FBH1: variants seen among roughly 807,000 people sequenced by gnomAD.
FBH1 encodes the protein DNA 3'-5' helicase 1.
In FBH1, 43 loss-of-function variants were observed where a neutral mutation model predicts 115.5. The ratio of observed to expected loss-of-function variants is 0.37; its 90% CI spans 0.29 to 0.48. The LOEUF (loss-of-function observed/expected upper bound fraction) is 0.48. Among genes scored for constraint, FBH1 ranks in the 20% least tolerant of loss-of-function variants. The pLI, the probability that FBH1 is intolerant of heterozygous loss-of-function variation, is 0.99. For synonymous variants in FBH1, 524 were observed against 507.8 expected, an observed-to-expected ratio of 1.03 and a Z score of -0.43; for missense variants, 1,001 against 1,337.3, an observed-to-expected ratio of 0.75 and a Z score of 3.92.
In FBH1 at chr10:5,936,552, A is replaced by G. The variant is rs1451635330; in HGVS notation, c.2926A>G (p.Thr976Ala). The G allele has an allele frequency of 6.2e-7, 1 of 1,614,158 alleles. No individual in the cohort carries two copies. The highest frequency in any genetic ancestry group is 1.7e-5 in the Admixed American group (1 of 60,016). Residue 976 changes from threonine to alanine, a missense_variant, in exon 20 of 21, where the codon ACC becomes GCC. Thr to Ala is a moderately conservative substitution (Grantham distance 58, BLOSUM62 0). Coordinates refer to ENST00000362091, the MANE Select transcript of FBH1 (RefSeq NM_178150.3). The surrounding 1 kb of genome is among the most constrained non-coding windows in gnomAD (Gnocchi z 5.6). ...GQCNNAIPVD[T>A]VLTMKKLPIT... ...GTGCAACAATGCCATCCCTGTTGAC[A>G]CCGTCCTTACCATGAAGAAGCTGCC...
chr10:5,924,680 G>T lies in FBH1; in HGVS notation c.2596+172G>T. On this transcript the variant is annotated intron_variant, in intron 17 of 20. Transcript: ENST00000362091. The surrounding 1 kb of genome is among the most constrained non-coding windows in gnomAD (Gnocchi z 6.2). Reference sequence around the variant, plus strand: ...CCTTCTGGGTTCAAGCAATTATCCTGCCTCAGCCTCGTGAGTAGCTGGGAC... The same window carrying T: ...CCTTCTGGGTTCAAGCAATTATCCTTCCTCAGCCTCGTGAGTAGCTGGGAC... 3 of 693,026 alleles carry T rather than the reference G, an allele frequency of 4.3e-6. No homozygotes were observed. The highest frequency in any genetic ancestry group is 3.1e-5 in the South Asian group (2 of 65,098). The allele number at this position is 693,026 out of a possible 1,614,324, so 42.9% of individuals were successfully genotyped here.
In FBH1 at chr10:5,906,528, A is replaced by G. The variant is rs757042167; in HGVS notation, c.649A>G (p.Ser217Gly). The G allele has an allele frequency of 5.6e-6, 9 of 1,613,930 alleles. No homozygotes were observed. Among genetic ancestry groups the G allele is most frequent in the African/African-American group, 1.3e-5 (1 of 74,878 alleles). The change falls in exon 3 of 21, where the codon AGT becomes GGT. Residue 217 changes from serine (S) to glycine (G), a missense_variant. Coordinates refer to ENST00000362091, the MANE Select transcript of FBH1 (RefSeq NM_178150.3). The surrounding 1 kb of genome is among the most constrained non-coding windows in gnomAD (Gnocchi z 7.3). ...EALSHICSLP[S>G]EVLRHVFAFL... Reference sequence around the variant, plus strand: ...ACTGAGCCACATTTGCAGCCTGCCTAGTGAGGTCCTGAGGCACGTGTTTGC... The same window carrying G: ...ACTGAGCCACATTTGCAGCCTGCCTGGTGAGGTCCTGAGGCACGTGTTTGC...
At chr10:5,901,323 A>G (rs1471921520) in intron 1 of FBH1, among the ~76,000 whole-genome samples, 1 of 151,504 alleles carries the variant, frequency 6.6e-6, no homozygotes, top group Non-Finnish European at 1.5e-5. Flanking sequence ...TGCCCAGCTA[A>G]TTTTTTCTAT....
rs925414995 is a variant in FBH1, at chr10:5,917,239, T to C, written c.1789-181T>C. 1.8e-5 allele frequency: 11 copies of C among 607,082 alleles called. No homozygotes were observed. In the Admixed American group the frequency reaches 1.9e-4, roughly 10 times the overall value. The allele number at this position is 607,082 out of a possible 1,614,324, so 37.6% of individuals were successfully genotyped here. ...GCCCGGCTGCTTCCTGTCTCAGCAC[T>C]GGAGACCCTCTGGCGTGGAGAGGCT... is the stretch of plus-strand genomic sequence containing the variant. On this transcript the variant is annotated intron_variant, in intron 10 of 20. Coordinates refer to ENST00000362091, the MANE Select transcript of FBH1 (RefSeq NM_178150.3). This position sits in a 1 kb window ranked among gnomAD's most constrained non-coding sequence, Gnocchi z 5.6.
At chr10:5,896,870 C>T (rs1469771591) in intron 1 of FBH1, among the ~76,000 whole-genome samples, 1 of 152,034 alleles carries the variant, frequency 6.6e-6, no homozygotes, top group Non-Finnish European at 1.5e-5. Flanking sequence ...GAGAGGGAGG[C>T]ATACCATGAG....
At chr10:5,926,305 G>T (rs1395986348) in intron 18 of FBH1, among the ~76,000 whole-genome samples, 1 of 151,994 alleles carries the variant, frequency 6.6e-6, no homozygotes, top group Non-Finnish European at 1.5e-5. Context: ...GTAGAGACGG[G>T]GTTTCGCCAT....
chr10:5,925,941 G>GT lies in FBH1; in HGVS notation c.2722+450dup, dbSNP rs879444010. 4.0e-5 allele frequency among the ~76,000 whole-genome samples: 6 copies of GT among 151,760 alleles called. No individual in the cohort carries two copies. Among genetic ancestry groups the GT allele is most frequent in the South Asian group, 2.1e-4 (1 of 4,810 alleles). Reference sequence around the variant, plus strand: ...GTAAGCATTCTTTATCATTTGTCTGGTGTTTTTTGGTACAGACAGGGGTCT... The same window carrying GT: ...GTAAGCATTCTTTATCATTTGTCTGGTTGTTTTTTGGTACAGACAGGGGTCT... On this transcript the variant is annotated intron_variant, in intron 18 of 20. Transcript: ENST00000362091. The surrounding 1 kb of genome is among the most constrained non-coding windows in gnomAD (Gnocchi z 4.6).
At chr10:5,916,636 A>ATC (rs1445029045) in intron 10 of FBH1, among the ~76,000 whole-genome samples, 180 bp downstream of exon 10, 5 of 145,486 alleles carry the variant, frequency 3.4e-5, no homozygotes, top group African/African-American at 1.0e-4. Context: ...AGGATGGGGA[A>ATC]ATGGGAAGTG....
rs375218808 is a variant in FBH1, at chr10:5,910,281, CAA to C, written c.1021-645_1021-644del. Among the ~76,000 whole-genome samples, 97 of 134,710 alleles carry C rather than the reference CAA, an allele frequency of 7.2e-4. No homozygotes were observed. The highest frequency in any genetic ancestry group is 2.5e-3 in the African/African-American group (91 of 36,496). 88.4% of individuals were successfully genotyped at this position (134,710 alleles called of 152,430 possible). ...TGTGTGACAGAGTCAGACTTTGTCT[CAA>C]AAAAAAAAAAAGATGAAGATCTGTG... On this transcript the variant is annotated intron_variant, in intron 5 of 20. Transcript: ENST00000362091. The surrounding 1 kb of genome is among the most constrained non-coding windows in gnomAD (Gnocchi z 4.8).
At chr10:5,890,151 G>GGGCCGTCAGTCCGGCTCCGGC (rs1842608990), upstream of FBH1, 1 of 326,710 alleles carries the variant, frequency 3.1e-6, no homozygotes, top group East Asian at 4.7e-5. Flanking sequence ...TTGGTCGCGG[G>GGGCCGTCAGTCCGGCTCCGGC]GGCCGTCAGT....
Position 5,914,115 on chromosome 10 carries a change from G to A in FBH1, c.1305-63G>A. The stretch of plus-strand genomic sequence containing the variant: ...AGTTTGTATGTTTGGTTTTTGGACT[G>A]TCTATCCCCTGGACTTTTCACGTCT... On this transcript the variant is annotated intron_variant, in intron 7 of 20. Transcript: ENST00000362091. The surrounding 1 kb of genome is among the most constrained non-coding windows in gnomAD (Gnocchi z 5.2). 6.6e-7 allele frequency: 1 copy of A among 1,518,912 alleles called. No individual in the cohort carries two copies. The highest frequency in any genetic ancestry group is 1.1e-5 in the South Asian group (1 of 88,784). 94.1% of individuals were successfully genotyped at this position (1,518,912 alleles called of 1,614,324 possible).
chr10:5,916,210 G>A (rs1474713362), intron 9 of FBH1, 24 bp from the exon 10 acceptor site: 3 of 1,606,722 alleles, frequency 1.9e-6, no homozygotes, highest in South Asian at 1.1e-5. Flanking sequence ...GCCACGTGCT[G>A]TTCATTTGGG....
In FBH1 at chr10:5,895,403, T is replaced by C. The variant is rs558776424; in HGVS notation, c.1+5057T>C. ...TACTTCCAGGAATTCTAGGTACTTA[T>C]TGTCTTCATCTTGTCCATTTAGGTC... is the stretch of plus-strand genomic sequence containing the variant. On this transcript the variant is annotated intron_variant, in intron 1 of 20. Transcript: ENST00000362091. This position sits in a 1 kb window ranked among gnomAD's most constrained non-coding sequence, Gnocchi z 5.0. Among the ~76,000 whole-genome samples, 5 of 152,354 alleles carry C rather than the reference T, an allele frequency of 3.3e-5. No individual in the cohort carries two copies. Among genetic ancestry groups the C allele is most frequent in the Non-Finnish European group, 7.3e-5 (5 of 68,034 alleles).
At chr10:5,889,790 G>A (rs1462677421), upstream of FBH1, 9 of 156,844 alleles carry the variant, frequency 5.7e-5, no homozygotes, top group Non-Finnish European at 1.1e-4. Context: ...AAAGTGGAGG[G>A]TCCGGGAGGG....
chr10:5,915,423 C>T lies in FBH1; in HGVS notation c.1417C>T (p.Leu473=). 1.2e-6 allele frequency: 2 copies of T among 1,614,238 alleles called. No individual in the cohort carries two copies. Among genetic ancestry groups the T allele is most frequent in the Non-Finnish European group, 8.5e-7 (1 of 1,180,038 alleles). Residue 473 remains leucine (L), a synonymous_variant, in exon 9 of 21, where the codon CTG becomes TTG. Transcript: ENST00000362091. This position sits in a 1 kb window ranked among gnomAD's most constrained non-coding sequence, Gnocchi z 5.2. The part of the protein sequence containing the change: ...AFAGTGKTST[L]VKYAEKWSQS... ...CCCAGGCACTGGGAAGACCTCAACG[C>T]TGGTCAAGTATGCAGAGAAGTGGTC...
At position 5,921,138 on chromosome 10, in the gene FBH1, A is replaced by C; in HGVS notation, c.2101-120A>C. ...AGTGAGCCTGTGAAGTTCGCTTTCC[A>C]TGCGGGGGGTCAGGAACAACTTGTA... On this transcript the variant is annotated intron_variant, in intron 13 of 20. Coordinates refer to ENST00000362091, the MANE Select transcript of FBH1 (RefSeq NM_178150.3). The surrounding 1 kb of genome is among the most constrained non-coding windows in gnomAD (Gnocchi z 6.4). 6.0e-6 allele frequency: 5 copies of C among 837,822 alleles called. No homozygotes were observed. The highest frequency in any genetic ancestry group is 9.5e-6 in the Non-Finnish European group (5 of 528,128). 51.9% of individuals were successfully genotyped at this position (837,822 alleles called of 1,614,324 possible). A position where few individuals can be genotyped will look rare whatever the true frequency, so the allele number is the denominator to read the frequency against.
At chr10:5,905,591 A>AT (rs1843642880) in intron 2 of FBH1, among the ~76,000 whole-genome samples, 1 of 152,098 alleles carries the variant, frequency 6.6e-6, no homozygotes, top group Non-Finnish European at 1.5e-5. Context: ...GAAGAGTGAG[A>AT]TTTTCCGAAT....
At chr10:5,891,847 A>G (rs1842754736) in intron 1 of FBH1, among the ~76,000 whole-genome samples, 1 of 152,208 alleles carries the variant, frequency 6.6e-6, no homozygotes, top group African/African-American at 2.4e-5. Flanking sequence ...TCCTGGCCTC[A>G]AGTAATTCAC....
At position 5,933,898 on chromosome 10, in the gene FBH1, C is replaced by T. The variant is rs568664740; in HGVS notation, c.2830-2558C>T. ...AACTCCTGACTTGAAGTGATCCACT[C>T]GCCTCGGCCTCCCAAAGTGTTGGGA... On this transcript the variant is annotated intron_variant, in intron 19 of 20. Coordinates refer to ENST00000362091, the MANE Select transcript of FBH1 (RefSeq NM_178150.3). This position sits in a 1 kb window ranked among gnomAD's most constrained non-coding sequence, Gnocchi z 4.9. Among the ~76,000 whole-genome samples, 28 of 152,216 alleles carry T rather than the reference C, an allele frequency of 1.8e-4. No homozygotes were observed. The highest frequency in any genetic ancestry group is 5.3e-4 in the African/African-American group (22 of 41,522).
Sources: allele counts gnomAD v4.1 joint callset (sites outside exome capture counted in the v4.1 genomes callset), GRCh38; gene constraint gnomAD v4.1.1; non-coding constraint Gnocchi (gnomAD v3.1); transcripts MANE v1.5; gene names NCBI Gene and HGNC (gene_info 2026-07-23, HGNC 2026-07-21).